NUDCD3: variants seen among roughly 807,000 people sequenced by gnomAD.
NUDCD3 encodes the protein NudC domain containing 3.
Under a neutral mutation model 39.7 loss-of-function variants are expected in NUDCD3, and 13 were observed. That is an observed-to-expected ratio of 0.33 (90% confidence interval 0.21 to 0.52). NUDCD3 has a LOEUF of 0.52. NUDCD3 is among the 20% of genes least tolerant of loss of function. The pLI is 0.96. For synonymous variants in NUDCD3, 175 were observed against 172.4 expected (o/e 1.02, Z -0.12); for missense variants, 453 against 458.1 (o/e 0.99, Z 0.10).
intron 3 of NUDCD3, among the ~76,000 whole-genome samples, chr7:44,405,006 G>A (rs1350684115): frequency 6.6e-6 from 1 of 152,140 alleles, no homozygotes; most frequent in African/African-American, 2.4e-5. Flanking sequence ...GAAAGCTGAG[G>A]GGGCTGCACA....
intron 5 of NUDCD3, among the ~76,000 whole-genome samples, chr7:44,388,344 G>A (rs759503232): frequency 6.6e-6 from 1 of 152,138 alleles, no homozygotes; most frequent in African/African-American, 2.4e-5. Context: ...AAGCAACTCC[G>A]GCCCCCTAAC....
intron 2 of NUDCD3, among the ~76,000 whole-genome samples, chr7:44,452,417 C>A (rs1156948618): frequency 1.3e-5 from 2 of 152,156 alleles, no homozygotes; most frequent in Non-Finnish European, 2.9e-5. Flanking sequence ...CAACAGAGCC[C>A]AAGAGTCTCA....
chr7:44,478,672 G>A (rs1416283945), intron 2 of NUDCD3, among the ~76,000 whole-genome samples: 1 of 152,188 alleles, frequency 6.6e-6, no homozygotes, highest in Non-Finnish European at 1.5e-5. Context: ...ACCAATTGTA[G>A]GTTATTAGTC....
intron 2 of NUDCD3, among the ~76,000 whole-genome samples, chr7:44,452,120 A>C (rs1799803960): frequency 6.6e-6 from 1 of 152,314 alleles, no homozygotes; most frequent in Middle Eastern, 3.4e-3. Context: ...GCCCATCCCA[A>C]GTCCCAGGGA....
intron 3 of NUDCD3, among the ~76,000 whole-genome samples, chr7:44,407,133 T>C (rs1798837148): frequency 2.0e-5 from 3 of 151,544 alleles, no homozygotes; most frequent in South Asian, 4.2e-4. Flanking sequence ...AGACCCTATG[T>C]CCTATAAAGC....
intron 2 of NUDCD3, among the ~76,000 whole-genome samples, chr7:44,472,786 G>GT (rs1052331776): frequency 6.6e-6 from 1 of 152,144 alleles, no homozygotes; most frequent in African/African-American, 2.4e-5. Flanking sequence ...AGAAGAAAAG[G>GT]TAACAGTAGC....
chr7:44,463,513 A>G (rs1800057835), intron 2 of NUDCD3, among the ~76,000 whole-genome samples: 1 of 152,162 alleles, frequency 6.6e-6, no homozygotes, highest in Admixed American at 6.5e-5. Context: ...GAGTATCCCC[A>G]AACCCTGAGA....
chr7:44,449,097 C>A (rs1348482806), intron 2 of NUDCD3, among the ~76,000 whole-genome samples: 1 of 152,118 alleles, frequency 6.6e-6, no homozygotes, highest in Non-Finnish European at 1.5e-5. Context: ...GCTTCAGGCT[C>A]TGGGAATGGA....
At chr7:44,451,666 C>T in intron 2 of NUDCD3, among the ~76,000 whole-genome samples, 1 of 152,020 alleles carries the variant, frequency 6.6e-6, no homozygotes, top group Non-Finnish European at 1.5e-5. Context: ...TCCGAAGAAA[C>T]TTCTGGGGGT....
chr7:44,409,904 T>C (rs947987525), intron 3 of NUDCD3, among the ~76,000 whole-genome samples: 3 of 151,648 alleles, frequency 2.0e-5, no homozygotes, highest in Non-Finnish European at 4.4e-5. Context: ...AAGATAAGCG[T>C]TCATGAAAGG....
chr7:44,454,764 C>A (rs919661790), intron 2 of NUDCD3, among the ~76,000 whole-genome samples: 1 of 151,940 alleles, frequency 6.6e-6, no homozygotes, highest in African/African-American at 2.4e-5. Flanking sequence ...CTATCTCTAC[C>A]AAAAAAAATT....
At chr7:44,415,617 A>AC (rs1435720643) in intron 3 of NUDCD3, among the ~76,000 whole-genome samples, 1 of 152,170 alleles carries the variant, frequency 6.6e-6, no homozygotes, top group Non-Finnish European at 1.5e-5. Context: ...AACTCATCAT[A>AC]CCCATTCTAC....
intron 2 of NUDCD3, chr7:44,481,172 AT>A (rs1406283353): frequency 1.3e-5 from 2 of 152,178 alleles, no homozygotes; most frequent in Non-Finnish European, 2.9e-5. Flanking sequence ...ATACTGTTTT[AT>A]ATAAGAGACC....
At chr7:44,479,795 A>G (rs1401240635) in intron 2 of NUDCD3, among the ~76,000 whole-genome samples, 1 of 152,240 alleles carries the variant, frequency 6.6e-6, no homozygotes, top group African/African-American at 2.4e-5. Flanking sequence ...GCAGATCTAT[A>G]ATTTATAGGA....
In NUDCD3 at chr7:44,447,510, C is replaced by T. The variant is rs188733876; in HGVS notation, c.510-19807G>A. ...AACAGGCTTCACGCAGCATCCAGCT[C>T]TCTTCCCCTTCTGTCCCTGTCACCA... On this transcript the variant is annotated intron_variant, in intron 2 of 5. Coordinates refer to ENST00000355451, the MANE Select transcript of NUDCD3 (RefSeq NM_015332.4). Among the ~76,000 whole-genome samples the T allele has an allele frequency of 4.9e-4, 74 of 152,314 alleles. 1 individual carries two copies. In the East Asian group the frequency reaches 0.012, roughly 25 times the overall value.
chr7:44,447,081 A>C (rs1185194464), intron 2 of NUDCD3, among the ~76,000 whole-genome samples: 1 of 152,228 alleles, frequency 6.6e-6, no homozygotes, highest in East Asian at 1.9e-4. Flanking sequence ...GCCTTAACCA[A>C]GAGATGCTTC....
intron 2 of NUDCD3, among the ~76,000 whole-genome samples, chr7:44,440,340 C>G (rs1799553112): frequency 6.6e-6 from 1 of 152,096 alleles, no homozygotes; most frequent in Non-Finnish European, 1.5e-5. Flanking sequence ...CATACCTGGC[C>G]TCTTCAAAAG....
Position 44,382,276 on chromosome 7 carries a change from C to T in NUDCD3, c.*3735G>A, listed in dbSNP as rs1422607822. On this transcript the variant is annotated 3_prime_UTR_variant, in exon 6 of 6. Coordinates refer to ENST00000355451, the MANE Select transcript of NUDCD3 (RefSeq NM_015332.4). ...TACCTGGGTGACAAAATTATCTGTA[C>T]ACCAAACCCCTATGATCCAATTTAC... The T allele has an allele frequency of 6.6e-6, 1 of 152,128 alleles. No homozygotes were observed. Among genetic ancestry groups the T allele is most frequent in the East Asian group, 1.9e-4 (1 of 5,196 alleles). 9.4% of individuals were successfully genotyped at this position (152,128 alleles called of 1,614,324 possible).
chr7:44,475,605 T>A (rs1257103411), intron 2 of NUDCD3, among the ~76,000 whole-genome samples: 3 of 151,794 alleles, frequency 2.0e-5, no homozygotes, highest in Non-Finnish European at 2.9e-5. Flanking sequence ...AAAAATTTTT[T>A]AAAAATTAGC....
Sources: gnomAD v4.1 joint callset for allele counts (sites outside exome capture counted in the v4.1 genomes callset) on GRCh38, gnomAD v4.1.1 for gene constraint, MANE v1.5 for transcripts, NCBI Gene and HGNC (gene_info 2026-07-23, HGNC 2026-07-21) for gene names.